Variants in TMEM38B observed in about 807,000 individuals in gnomAD.
TMEM38B encodes trimeric intracellular cation channel type B.
TMEM38B carries 24 observed loss-of-function variants against 28.7 expected under a neutral mutation model. That is an observed-to-expected ratio of 0.84 (90% CI 0.61 to 1.18). TMEM38B has a LOEUF of 1.18. TMEM38B is among the 50% of genes most tolerant of loss of function. TMEM38B has a pLI of 0.00. For synonymous variants in TMEM38B, 131 were observed against 127.7 expected, an observed-to-expected ratio of 1.03 and a Z score of -0.17; for missense variants, 380 against 350.9, an observed-to-expected ratio of 1.08 and a Z score of -0.66.
intron 4 of TMEM38B, among the ~76,000 whole-genome samples, chr9:105,736,658 C>G (rs1037334268): frequency 3.9e-5 from 6 of 152,148 alleles, no homozygotes; most frequent in Non-Finnish European, 7.4e-5. Context: ...TGTGGTGTCA[C>G]ATTTCCTTGC....
chr9:105,708,571 C>T (rs1305514344), intron 2 of TMEM38B, among the ~76,000 whole-genome samples: 1 of 152,158 alleles, frequency 6.6e-6, no homozygotes, highest in Admixed American at 6.5e-5. Context: ...CTCGCTTTCA[C>T]TTTCTTTTAT....
intron 5 of TMEM38B, among the ~76,000 whole-genome samples, chr9:105,766,505 G>C (rs2133648968): frequency 6.6e-6 from 1 of 152,118 alleles, no homozygotes; most frequent in Admixed American, 6.5e-5. Flanking sequence ...GTCAATCCTT[G>C]GTGAGATATA....
intron 5 of TMEM38B, among the ~76,000 whole-genome samples, chr9:105,753,262 A>G (rs2133627070): frequency 6.6e-6 from 1 of 152,300 alleles, no homozygotes; most frequent in African/African-American, 2.4e-5. Context: ...CATCCAGGAG[A>G]ACTTCCCCCA....
intron 5 of TMEM38B, among the ~76,000 whole-genome samples, chr9:105,762,120 C>A (rs1339468436): frequency 1.3e-5 from 2 of 151,956 alleles, no homozygotes; most frequent in African/African-American, 4.8e-5. Context: ...TGACTATTCT[C>A]ATTTCTCAAT....
chr9:105,759,560 G>A (rs1837960061), intron 5 of TMEM38B: 1 of 1,560,240 alleles, frequency 6.4e-7, no homozygotes, highest in Middle Eastern at 1.7e-4. Context: ...TCCTCTAATA[G>A]CAAACCAAGT....
At chr9:105,736,187 A>C (rs775687164) in intron 4 of TMEM38B, among the ~76,000 whole-genome samples, 1 of 151,892 alleles carries the variant, frequency 6.6e-6, no homozygotes, top group Non-Finnish European at 1.5e-5. Flanking sequence ...TTTATTAAAT[A>C]AGCTTTCTGT....
At chr9:105,745,934 G>A (rs562629111) in intron 4 of TMEM38B, among the ~76,000 whole-genome samples, 11 of 151,982 alleles carry the variant, frequency 7.2e-5, no homozygotes, top group Non-Finnish European at 1.3e-4. Context: ...TGTTCCATTG[G>A]TCTATATCTC....
At chr9:105,763,003 G>T (rs1838120119) in intron 5 of TMEM38B, among the ~76,000 whole-genome samples, 1 of 146,118 alleles carries the variant, frequency 6.8e-6, no homozygotes, top group East Asian at 2.1e-4. Context: ...TTTCTCTGAT[G>T]GCCAGTGATG....
At chr9:105,718,079 C>G (rs1007340105) in intron 2 of TMEM38B, among the ~76,000 whole-genome samples, 2 of 152,146 alleles carry the variant, frequency 1.3e-5, no homozygotes, top group African/African-American at 2.4e-5. Flanking sequence ...TCTGTACTTA[C>G]ACAGTATATT....
intron 5 of TMEM38B, chr9:105,759,047 TG>T: frequency 1.2e-6 from 1 of 846,396 alleles, no homozygotes; most frequent in South Asian, 1.3e-5. Context: ...ACAAATCAGA[TG>T]ACCTCCCTCA....
chr9:105,704,707 C>T (rs1053309373), intron 1 of TMEM38B, among the ~76,000 whole-genome samples: 4 of 151,860 alleles, frequency 2.6e-5, no homozygotes, highest in Non-Finnish European at 2.9e-5. Flanking sequence ...GGGTGGATCA[C>T]GAGATCAGGA....
intron 5 of TMEM38B, among the ~76,000 whole-genome samples, chr9:105,765,493 C>G (rs1007347301): frequency 1.3e-5 from 2 of 152,160 alleles, no homozygotes; most frequent in African/African-American, 4.8e-5. Flanking sequence ...TTGTACCTTA[C>G]TCTAGTAAAT....
chr9:105,737,978 G>T (rs1036403891), intron 4 of TMEM38B, among the ~76,000 whole-genome samples: 1 of 152,190 alleles, frequency 6.6e-6, no homozygotes, highest in African/African-American at 2.4e-5. Flanking sequence ...TAGGCTTGAG[G>T]ATGGCAGGTC....
intron 5 of TMEM38B, among the ~76,000 whole-genome samples, chr9:105,751,429 TACAC>T (rs2133624071): frequency 6.6e-6 from 1 of 152,276 alleles, no homozygotes; most frequent in South Asian, 2.1e-4. Flanking sequence ...TTGGGTCCAA[TACAC>T]ACAGCTGTGT....
intron 2 of TMEM38B, among the ~76,000 whole-genome samples, chr9:105,717,939 T>C (rs1836169631): frequency 6.6e-6 from 1 of 152,178 alleles, no homozygotes; most frequent in South Asian, 2.1e-4. Flanking sequence ...GAGACGTAGG[T>C]ATTATTTTAT....
At chr9:105,700,561 T>C (rs1213186158) in intron 1 of TMEM38B, among the ~76,000 whole-genome samples, 3 of 152,212 alleles carry the variant, frequency 2.0e-5, no homozygotes, top group Non-Finnish European at 4.4e-5. Context: ...TGCATGACCA[T>C]TTACTGTTCC....
chr9:105,767,143 GT>G (rs924207058), intron 5 of TMEM38B, among the ~76,000 whole-genome samples: 50 of 145,252 alleles, frequency 3.4e-4, no homozygotes, highest in Admixed American at 1.0e-3. Flanking sequence ...TAAGGGTCAG[GT>G]TTTTTTTTTT....
chr9:105,744,753 C>T (rs1837329577), intron 4 of TMEM38B, among the ~76,000 whole-genome samples: 1 of 152,032 alleles, frequency 6.6e-6, no homozygotes, highest in African/African-American at 2.4e-5. Flanking sequence ...CACCCCATGA[C>T]AGGCCCTGGT....
At chr9:105,712,910 G>A (rs1364109050) in intron 2 of TMEM38B, among the ~76,000 whole-genome samples, 3 of 152,190 alleles carry the variant, frequency 2.0e-5, no homozygotes, top group African/African-American at 7.2e-5. Flanking sequence ...TCGCCCCTGA[G>A]CTTTGGGGCC....
Sources: allele counts gnomAD v4.1 joint callset (sites outside exome capture counted in the v4.1 genomes callset), GRCh38; gene constraint gnomAD v4.1.1; transcripts MANE v1.5; gene names NCBI Gene and HGNC (gene_info 2026-07-23, HGNC 2026-07-21).